The following GNAQ variants were observed in gnomAD, a reference collection of about 807,000 sequenced individuals.
GNAQ encodes the protein G protein subunit alpha q.
GNAQ carries 8 observed loss-of-function variants against 43.9 expected under a neutral mutation model. The observed-to-expected ratio is 0.18, with a 90% CI of 0.11 to 0.33. The LOEUF (loss-of-function observed/expected upper bound fraction) is 0.33, where lower values mean the gene tolerates loss of function less well. Ranked by LOEUF, GNAQ falls within the 10% of genes least tolerant of loss-of-function variation. The probability of loss-of-function intolerance (pLI) is 1.00; values close to 1 mark genes in which losing one functional copy is unlikely to be tolerated. For missense variants in GNAQ, 158 were observed against 450.8 expected, an observed-to-expected ratio of 0.35 and a Z score of 5.88; for synonymous variants, 155 against 170.7, an observed-to-expected ratio of 0.91 and a Z score of 0.71.
At chr9:78,025,422 G>A (rs1292043554) in intron 1 of GNAQ, among the ~76,000 whole-genome samples, 3 of 152,108 alleles carry the variant, frequency 2.0e-5, no homozygotes, top group Non-Finnish European at 4.4e-5. Flanking sequence ...GTCAGTTATT[G>A]CCACAGATTT....
chr9:77,914,506 CA>C (rs565994653), intron 2 of GNAQ, among the ~76,000 whole-genome samples: 1 of 151,942 alleles, frequency 6.6e-6, no homozygotes, highest in African/African-American at 2.4e-5. Flanking sequence ...TTAAAAAATA[CA>C]AAAAATTAGA....
chr9:77,854,757 G>A (rs755701206), intron 2 of GNAQ, among the ~76,000 whole-genome samples: 2 of 152,156 alleles, frequency 1.3e-5, no homozygotes, highest in Non-Finnish European at 2.9e-5. Context: ...AATCTACAGG[G>A]ACCAAAGGAC....
intron 5 of GNAQ, among the ~76,000 whole-genome samples, chr9:77,777,230 A>G: frequency 6.6e-6 from 1 of 152,136 alleles, no homozygotes; most frequent in Non-Finnish European, 1.5e-5. Context: ...AGATGGTCCT[A>G]ACTTACAATG....
At chr9:77,844,232 G>A (rs1313849380) in intron 2 of GNAQ, among the ~76,000 whole-genome samples, 2 of 151,980 alleles carry the variant, frequency 1.3e-5, no homozygotes, top group Non-Finnish European at 2.9e-5. Flanking sequence ...AACTACCAAG[G>A]GCTTCACATC....
chr9:77,757,175 T>C (rs1825916395), intron 5 of GNAQ, among the ~76,000 whole-genome samples: 1 of 152,204 alleles, frequency 6.6e-6, no homozygotes, highest in African/African-American at 2.4e-5. Flanking sequence ...GCCCTGCTTG[T>C]ATTAAAACAT....
At chr9:77,756,610 C>A (rs1033736374) in intron 5 of GNAQ, among the ~76,000 whole-genome samples, 1 of 152,160 alleles carries the variant, frequency 6.6e-6, no homozygotes, top group Non-Finnish European at 1.5e-5. Context: ...TCCTGACTGG[C>A]CATGAGGGGC....
rs1203306382 is a variant in GNAQ at position 77,719,304 on chromosome 9, TTAA to T, written c.*2016_*2018del. 9.0e-5 allele frequency: 21 copies of T among 232,584 alleles called. No individual in the cohort carries two copies. The highest frequency in any genetic ancestry group is 2.5e-5 in the Non-Finnish European group (3 of 117,736). The allele number at this position is 232,584 out of a possible 1,614,324, so 14.4% of individuals were successfully genotyped here. A position where few individuals can be genotyped will look rare whatever the true frequency, so the allele number is the denominator to read the frequency against. ...ACAGCACATTCAATCTGCCAAAAAA[TTAA>T]TGATTACAAAGCCAGTATGGATGCT... On this transcript the variant is annotated 3_prime_UTR_variant, in exon 7 of 7. Transcript: ENST00000286548.
intron 5 of GNAQ, among the ~76,000 whole-genome samples, chr9:77,760,553 G>A (rs1057454398): frequency 1.3e-5 from 2 of 152,130 alleles, no homozygotes; most frequent in African/African-American, 2.4e-5. Context: ...ATCTCGGCTC[G>A]CTACAACTTC....
intron 5 of GNAQ, among the ~76,000 whole-genome samples, chr9:77,756,528 C>T (rs1044233574): frequency 6.6e-6 from 1 of 152,178 alleles, no homozygotes; most frequent in African/African-American, 2.4e-5. Flanking sequence ...TAAGTTCTTA[C>T]AAATGGAATA....
In GNAQ at chr9:77,768,500, G is replaced by C. The variant is rs547039219; in HGVS notation, c.735+25963C>G. 5.3e-5 allele frequency among the ~76,000 whole-genome samples: 8 copies of C among 152,300 alleles called. No individual in the cohort carries two copies. The South Asian group carries it at 1.0e-3, about 20-fold the overall frequency. ...ATACTGTGGAAGAAACACTGAGCTTGGGACTTGAAAGCATGGGTTCAAAGG... is the reference window on the plus strand; with the variant it reads ...ATACTGTGGAAGAAACACTGAGCTTCGGACTTGAAAGCATGGGTTCAAAGG... On this transcript the variant is annotated intron_variant, in intron 5 of 6. Transcript: ENST00000286548.
At chr9:77,760,057 G>A (rs1825968688) in intron 5 of GNAQ, among the ~76,000 whole-genome samples, 1 of 103,538 alleles carries the variant, frequency 9.7e-6, no homozygotes, top group Non-Finnish European at 2.5e-5. Context: ...CACCATGCCT[G>A]GCCTTTTTCT....
chr9:77,781,256 T>G (rs530740123), intron 5 of GNAQ, among the ~76,000 whole-genome samples: 1 of 152,216 alleles, frequency 6.6e-6, no homozygotes, highest in African/African-American at 2.4e-5. Context: ...CCACTTTGCG[T>G]TGATTTTCGT....
At chr9:77,744,179 T>C (rs1825696019) in intron 5 of GNAQ, among the ~76,000 whole-genome samples, 1 of 152,078 alleles carries the variant, frequency 6.6e-6, no homozygotes, top group African/African-American at 2.4e-5. Flanking sequence ...GTCTTGTGTT[T>C]GCAGTTAGTG....
intron 5 of GNAQ, among the ~76,000 whole-genome samples, chr9:77,767,958 A>G (rs1250427163): frequency 6.6e-6 from 1 of 152,234 alleles, no homozygotes; most frequent in Admixed American, 6.5e-5. Flanking sequence ...GTAGCAAATT[A>G]TCAAAGGAAA....
At chr9:77,792,786 C>A (rs1826595880) in intron 5 of GNAQ, among the ~76,000 whole-genome samples, 1 of 152,118 alleles carries the variant, frequency 6.6e-6, no homozygotes, top group African/African-American at 2.4e-5. Context: ...ACATTTGCTT[C>A]TTACATCTCT....
intron 2 of GNAQ, among the ~76,000 whole-genome samples, chr9:77,857,459 CAGGAAGGGA>C (rs763969591): frequency 3.6e-5 from 5 of 137,940 alleles, no homozygotes; most frequent in Non-Finnish European, 7.6e-5. Flanking sequence ...GGGGAGGGAA[CAGGAAGGGA>C]AGGAAGGGAA....
intron 3 of GNAQ, among the ~76,000 whole-genome samples, chr9:77,809,108 C>T (rs1826874670): frequency 6.6e-6 from 1 of 152,134 alleles, no homozygotes; most frequent in African/African-American, 2.4e-5. Flanking sequence ...GCTAGTTCAT[C>T]ATCAGACTCA....
At chr9:77,932,320 A>G (rs938196762) in intron 1 of GNAQ, among the ~76,000 whole-genome samples, 8 of 152,334 alleles carry the variant, frequency 5.3e-5, no homozygotes, top group South Asian at 4.1e-4. Context: ...TCCAGTATCA[A>G]GGATGCAGGA....
intron 1 of GNAQ, among the ~76,000 whole-genome samples, chr9:78,014,582 G>A (rs1823814451): frequency 6.6e-6 from 1 of 152,008 alleles, no homozygotes; most frequent in Non-Finnish European, 1.5e-5. Flanking sequence ...CTCCAGCCTG[G>A]GTGACAGAGC....
Sources: allele counts gnomAD v4.1 joint callset (sites outside exome capture counted in the v4.1 genomes callset), GRCh38; gene constraint gnomAD v4.1.1; transcripts MANE v1.5; gene names NCBI Gene and HGNC (gene_info 2026-07-23, HGNC 2026-07-21).